Variants in ARFGEF2 observed in about 807,000 individuals in gnomAD.
ARFGEF2 encodes brefeldin A-inhibited guanine nucleotide-exchange protein 2.
In ARFGEF2, 74 loss-of-function variants were observed where a neutral mutation model predicts 219.9. That is an observed-to-expected ratio of 0.34 (90% confidence interval 0.28 to 0.41). The LOEUF (loss-of-function observed/expected upper bound fraction) is 0.41, where lower values mean the gene tolerates loss of function less well. Among genes scored for constraint, ARFGEF2 ranks in the 10% least tolerant of loss-of-function variants. The pLI is 1.00. For missense variants in ARFGEF2, 1,743 were observed against 2,218.3 expected (o/e 0.79, Z 4.30); for synonymous variants, 733 against 799.2 (o/e 0.92, Z 1.40).
intron 6 of ARFGEF2, among the ~76,000 whole-genome samples, chr20:48,960,921 A>T (rs2091145387): frequency 6.6e-6 from 1 of 151,348 alleles, no homozygotes; most frequent in Admixed American, 6.6e-5. Context: ...CTCTACTAAA[A>T]ATACAAAAAT....
intron 23 of ARFGEF2, chr20:48,997,961 G>C (rs896647068): frequency 1.9e-6 from 1 of 514,542 alleles, no homozygotes; most frequent in African/African-American, 1.9e-5. Context: ...GAGTTCAAGC[G>C]AATCTTCTGC....
chr20:48,963,177 A>G (rs1417715293), intron 6 of ARFGEF2, among the ~76,000 whole-genome samples: 2 of 148,928 alleles, frequency 1.3e-5, no homozygotes, highest in Admixed American at 6.7e-5. Context: ...CTCTGTCTCA[A>G]AAAAAAAAAA....
chr20:48,974,227 G>T (rs2091246788), intron 12 of ARFGEF2, among the ~76,000 whole-genome samples: 1 of 139,646 alleles, frequency 7.2e-6, no homozygotes, highest in African/African-American at 2.6e-5. Context: ...CCAGGTTCAA[G>T]TGATTCTCCT....
chr20:48,939,218 C>A (rs887284185), intron 1 of ARFGEF2, among the ~76,000 whole-genome samples: 8 of 152,048 alleles, frequency 5.3e-5, no homozygotes, highest in Admixed American at 3.3e-4. Context: ...CGTGATCTGC[C>A]TGCCTCGGCC....
intron 16 of ARFGEF2, among the ~76,000 whole-genome samples, chr20:48,986,572 C>T (rs911123340): frequency 2.0e-5 from 3 of 152,072 alleles, no homozygotes; most frequent in African/African-American, 4.8e-5. Context: ...CGAGACCACA[C>T]CACTGCACAC....
At chr20:48,963,730 G>A in intron 6 of ARFGEF2, 100 bp from the exon 7 acceptor site, 2 of 1,179,462 alleles carry the variant, frequency 1.7e-6, no homozygotes, top group South Asian at 2.6e-5. Context: ...TGCACCCTTT[G>A]CCTTCTGAAA....
chr20:48,932,902 CAGAT>C (rs1253873593), intron 1 of ARFGEF2, among the ~76,000 whole-genome samples: 2 of 152,044 alleles, frequency 1.3e-5, no homozygotes, highest in Admixed American at 1.3e-4. Context: ...AAGCCTGCGA[CAGAT>C]AGAAGTCTGA....
intron 3 of ARFGEF2, among the ~76,000 whole-genome samples, chr20:48,946,905 A>G (rs1027183272): frequency 2.0e-5 from 3 of 150,126 alleles, no homozygotes; most frequent in Non-Finnish European, 3.0e-5. Flanking sequence ...GGACTCATGT[A>G]ATCCTCCCAC....
At chr20:48,977,273 C>T (rs2091268031) in intron 14 of ARFGEF2, among the ~76,000 whole-genome samples, 1 of 152,066 alleles carries the variant, frequency 6.6e-6, no homozygotes, top group African/African-American at 2.4e-5. Context: ...TGATGGTTTC[C>T]AGCTTCATCC....
chr20:49,018,661 T>C (rs1417531697), intron 33 of ARFGEF2, among the ~76,000 whole-genome samples: 1 of 152,236 alleles, frequency 6.6e-6, no homozygotes, highest in Non-Finnish European at 1.5e-5. Context: ...TGGGTTGGAA[T>C]AGGAAAATAG....
chr20:48,962,262 C>G (rs1306311353), intron 6 of ARFGEF2, among the ~76,000 whole-genome samples: 2 of 152,188 alleles, frequency 1.3e-5, no homozygotes, highest in Non-Finnish European at 2.9e-5. Flanking sequence ...TACAGAACTG[C>G]ATGTGCTATT....
At chr20:48,999,165 G>A (rs2091409381) in intron 25 of ARFGEF2, 2 of 398,134 alleles carry the variant, frequency 5.0e-6, no homozygotes, top group South Asian at 3.7e-5. Flanking sequence ...TTGAACCTGG[G>A]AGGTGGAGGT....
At chr20:48,923,937 T>C (rs933244064) in intron 1 of ARFGEF2, among the ~76,000 whole-genome samples, 5 of 152,244 alleles carry the variant, frequency 3.3e-5, no homozygotes, top group African/African-American at 1.2e-4. Flanking sequence ...TTTCAGTTTT[T>C]AGTAGTGAAT....
rs114768577 is a variant in ARFGEF2, at chr20:48,960,422, G to A, written c.839-3408G>A. Among the ~76,000 whole-genome samples the A allele has an allele frequency of 1.7e-3, 260 of 152,148 alleles. 1 individual carries two copies. Among genetic ancestry groups the A allele is most frequent in the African/African-American group, 6.0e-3 (248 of 41,516 alleles). On this transcript the variant is annotated intron_variant, in intron 6 of 38. Coordinates refer to ENST00000371917, the MANE Select transcript of ARFGEF2 (RefSeq NM_006420.3). ...GAATGTGAAGGCCTGGGACATGACCGTATGCCACTGCAGGCTTTATAAACA... is the reference window on the plus strand; with the variant it reads ...GAATGTGAAGGCCTGGGACATGACCATATGCCACTGCAGGCTTTATAAACA...
At chr20:48,944,571 C>T (rs958032297) in intron 3 of ARFGEF2, among the ~76,000 whole-genome samples, 1 of 152,162 alleles carries the variant, frequency 6.6e-6, no homozygotes, top group South Asian at 2.1e-4. Flanking sequence ...AGTGATTCTC[C>T]CACCTCAGCC....
Position 48,960,016 on chromosome 20 carries a change from A to G in ARFGEF2, c.839-3814A>G, listed in dbSNP as rs2091135995. On this transcript the variant is annotated intron_variant, in intron 6 of 38. Transcript: ENST00000371917. ...TGCTTAAGGTGAGTTAAAGAGCACT[A>G]GTAAATACTCGCAGTCATGCATTGC... 2.0e-5 allele frequency among the ~76,000 whole-genome samples: 3 copies of G among 152,262 alleles called. No individual in the cohort carries two copies. In the South Asian group the frequency reaches 6.2e-4, roughly 31 times the overall value.
At chr20:48,961,789 G>A (rs2091154068) in intron 6 of ARFGEF2, among the ~76,000 whole-genome samples, 1 of 151,764 alleles carries the variant, frequency 6.6e-6, no homozygotes, top group Non-Finnish European at 1.5e-5. Context: ...GCTTGAACCT[G>A]GGAGGCGGAG....
intron 25 of ARFGEF2, among the ~76,000 whole-genome samples, chr20:49,004,298 AG>A (rs1455573877): frequency 6.6e-6 from 1 of 151,854 alleles, no homozygotes; most frequent in Non-Finnish European, 1.5e-5. Context: ...CAGGAGGTGG[AG>A]GTTGCCAGCC....
intron 1 of ARFGEF2, among the ~76,000 whole-genome samples, chr20:48,938,442 T>C (rs540071099): frequency 6.6e-6 from 1 of 152,212 alleles, no homozygotes; most frequent in Non-Finnish European, 1.5e-5. Context: ...TTTAAATATA[T>C]TTTTATTGAT....
Sources: allele counts gnomAD v4.1 joint callset (sites outside exome capture counted in the v4.1 genomes callset), GRCh38; gene constraint gnomAD v4.1.1; transcripts MANE v1.5; gene names NCBI Gene and HGNC (gene_info 2026-07-23, HGNC 2026-07-21).